KIAA1217: variants seen among roughly 807,000 people sequenced by gnomAD.
KIAA1217 encodes sickle tail protein homolog.
KIAA1217 carries 88 observed loss-of-function variants against 163.9 expected under a neutral mutation model. The ratio of observed to expected loss-of-function variants is 0.54; its 90% CI spans 0.45 to 0.64. KIAA1217 has a LOEUF of 0.64. Among genes scored for constraint, KIAA1217 ranks in the 30% least tolerant of loss-of-function variants. The pLI is 0.00. For synonymous variants in KIAA1217, 903 were observed against 923.1 expected (o/e 0.98, Z 0.39); for missense variants, 2,372 against 2,475.0 (o/e 0.96, Z 0.88).
chr10:23,857,928 C>T (rs1839774920), intron 1 of KIAA1217, among the ~76,000 whole-genome samples: 3 of 149,436 alleles, frequency 2.0e-5, no homozygotes, highest in African/African-American at 7.4e-5. Flanking sequence ...AGTTATATGT[C>T]AAAAACATTT....
chr10:23,765,289 C>T (rs765389875), intron 1 of KIAA1217, among the ~76,000 whole-genome samples: 8 of 145,276 alleles, frequency 5.5e-5, no homozygotes, highest in Non-Finnish European at 7.5e-5. Context: ...CCCGGGTTCA[C>T]GCCATTCTCC....
intron 3 of KIAA1217, among the ~76,000 whole-genome samples, chr10:24,431,796 G>A (rs1417361837): frequency 4.6e-5 from 7 of 152,156 alleles, no homozygotes; most frequent in African/African-American, 1.7e-4. Context: ...TCCACAGATG[G>A]GTGAGTGCTA....
chr10:23,987,118 C>T (rs1404067883), intron 1 of KIAA1217, among the ~76,000 whole-genome samples: 11 of 152,008 alleles, frequency 7.2e-5, no homozygotes. Context: ...TGGCTCACAC[C>T]TGTAATCCCA....
In KIAA1217 at chr10:24,544,386, A is replaced by G. The variant is rs139514527; in HGVS notation, c.5116A>G (p.Ile1706Val). The change falls in exon 19 of 21, where the codon ATA becomes GTA. Residue 1706 changes from isoleucine to valine, a missense_variant. Physicochemically the swap from Ile to Val is conservative, Grantham distance 29. Transcript: ENST00000376454. ...NRDSVASSSH[I>V]AQEASPRPLL... ...AGATTCTGTTGCAAGTTCATCCCAC[A>G]TAGCCCAAGAGGCCTCTCCCCGACC... The G allele has an allele frequency of 6.2e-7, 1 of 1,614,100 alleles. No individual in the cohort carries two copies. The highest frequency in any genetic ancestry group is 2.2e-5 in the East Asian group (1 of 44,872).
intron 1 of KIAA1217, among the ~76,000 whole-genome samples, chr10:23,903,765 C>T (rs1257609436): frequency 1.3e-5 from 2 of 152,118 alleles, no homozygotes; most frequent in African/African-American, 4.8e-5. Context: ...CTTCAGCTTC[C>T]TCAGTTTCCA....
intron 2 of KIAA1217, among the ~76,000 whole-genome samples, chr10:24,060,707 G>A (rs2060690234): frequency 6.6e-6 from 1 of 152,076 alleles, no homozygotes; most frequent in African/African-American, 2.4e-5. Flanking sequence ...GAGGCAGGAG[G>A]ATTATTTGAG....
intron 2 of KIAA1217, among the ~76,000 whole-genome samples, chr10:24,229,930 C>A (rs984372358): frequency 1.3e-5 from 2 of 151,930 alleles, no homozygotes; most frequent in African/African-American, 4.8e-5. Context: ...CACAAATCAC[C>A]GGTGAAGAAC....
intron 1 of KIAA1217, among the ~76,000 whole-genome samples, chr10:24,004,192 T>C (rs1390659992): frequency 1.3e-5 from 2 of 152,102 alleles, no homozygotes; most frequent in African/African-American, 4.8e-5. Flanking sequence ...TTGGTCAGGC[T>C]GGTCTCGAAA....
chr10:23,816,363 G>T (rs1330139722), intron 1 of KIAA1217, among the ~76,000 whole-genome samples: 2 of 152,090 alleles, frequency 1.3e-5, no homozygotes, highest in Non-Finnish European at 2.9e-5. Context: ...TGCTATCTCG[G>T]CTCACTGCAA....
rs764797031 is a variant in KIAA1217 at position 24,542,709 on chromosome 10, A to G, written c.3551A>G (p.His1184Arg). ...TTCTACCAGAATTTGGAATTTTTCCATGAAGATGTACGGAAATCTGATGTT... is the reference window on the plus strand; with the variant it reads ...TTCTACCAGAATTTGGAATTTTTCCGTGAAGATGTACGGAAATCTGATGTT... ...PKEKKNLEFF[H>R]EDVRKSDVEY... is the part of the protein sequence containing the mutation. Residue 1184 changes from histidine (H) to arginine (R), a missense_variant, in exon 18 of 21, where the codon CAT becomes CGT. Physicochemically the swap from His to Arg is conservative, Grantham distance 29. Coordinates refer to ENST00000376454, the MANE Select transcript of KIAA1217 (RefSeq NM_019590.5). The G allele has an allele frequency of 1.2e-6, 2 of 1,614,204 alleles. No homozygotes were observed. Among genetic ancestry groups the G allele is most frequent in the South Asian group, 1.1e-5 (1 of 91,086 alleles).
At chr10:23,905,413 T>G (rs1842119975) in intron 1 of KIAA1217, among the ~76,000 whole-genome samples, 1 of 152,058 alleles carries the variant, frequency 6.6e-6, no homozygotes, top group African/African-American at 2.4e-5. Context: ...AATCATCAGC[T>G]GGACTTCCTT....
chr10:23,785,657 T>G (rs1387597784), intron 1 of KIAA1217, among the ~76,000 whole-genome samples: 1 of 152,182 alleles, frequency 6.6e-6, no homozygotes, highest in East Asian at 1.9e-4. Context: ...GACCTTAGCT[T>G]CCTCATGAAA....
At chr10:24,268,342 C>G (rs2076432376) in intron 2 of KIAA1217, among the ~76,000 whole-genome samples, 1 of 152,146 alleles carries the variant, frequency 6.6e-6, no homozygotes, top group Non-Finnish European at 1.5e-5. Flanking sequence ...TTGCTAATCT[C>G]CTGCCAATAT....
chr10:23,739,261 G>C (rs1267597367), intron 1 of KIAA1217, among the ~76,000 whole-genome samples: 1 of 151,662 alleles, frequency 6.6e-6, no homozygotes, highest in Non-Finnish European at 1.5e-5. Context: ...GGCAGGTGAT[G>C]AGAAATGACT....
chr10:24,289,042 T>A (rs1463581497), intron 2 of KIAA1217, among the ~76,000 whole-genome samples: 3 of 152,242 alleles, frequency 2.0e-5, no homozygotes, highest in African/African-American at 7.2e-5. Context: ...TGTTTTTCTT[T>A]ACTTTTTACG....
rs1839303201 is a variant in KIAA1217, at chr10:23,851,268, G to GT, written c.-320-155951dup. On this transcript the variant is annotated intron_variant, in intron 1 of 18. Coordinates refer to the KIAA1217 transcript ENST00000376462. ...TATGAGTGAGAACATGCAGTGTTTGGTTTTTTGTCCTTGCGATAGTTTACT... is the reference window on the plus strand; with the variant it reads ...TATGAGTGAGAACATGCAGTGTTTGGTTTTTTTGTCCTTGCGATAGTTTACT... 5.9e-5 allele frequency among the ~76,000 whole-genome samples: 9 copies of GT among 151,946 alleles called. No homozygotes were observed. The South Asian group carries it at 1.9e-3, about 32-fold the overall frequency.
intron 2 of KIAA1217, among the ~76,000 whole-genome samples, chr10:24,338,511 ATTATTCATGC>A (rs1442173823): frequency 6.6e-6 from 1 of 152,218 alleles, no homozygotes; most frequent in Non-Finnish European, 1.5e-5. Context: ...ACCTCATGAA[ATTATTCATGC>A]ATTCAAGCTG....
chr10:24,419,887 G>A (rs999508053), intron 3 of KIAA1217, among the ~76,000 whole-genome samples: 1 of 151,972 alleles, frequency 6.6e-6, no homozygotes, highest in African/African-American at 2.4e-5. Flanking sequence ...ATAAGTTTCG[G>A]TGTTCACTCA....
At chr10:23,773,283 C>T (rs1254339666) in intron 1 of KIAA1217, among the ~76,000 whole-genome samples, 2 of 151,816 alleles carry the variant, frequency 1.3e-5, no homozygotes, top group Non-Finnish European at 2.9e-5. Context: ...AGATATGCGG[C>T]GTTATTTCTG....
Sources: gnomAD v4.1 joint callset for allele counts (sites outside exome capture counted in the v4.1 genomes callset) on GRCh38, gnomAD v4.1.1 for gene constraint, MANE v1.5 for transcripts, NCBI Gene and HGNC (gene_info 2026-07-23, HGNC 2026-07-21) for gene names.